The following COL10A1 variants were observed in gnomAD, a reference collection of about 807,000 sequenced individuals.
COL10A1 encodes the protein collagen type X alpha 1 chain.
A neutral mutation model predicts 18.2 loss-of-function variants in COL10A1; 10 were observed. The observed-to-expected ratio is 0.55, with a 90% CI of 0.34 to 0.93. COL10A1 has a LOEUF of 0.93. COL10A1 is among the 40% of genes least tolerant of loss of function. The pLI is 0.02. For missense variants in COL10A1, 897 were observed against 853.5 expected (o/e 1.05, Z -0.64); for synonymous variants, 330 against 316.6 (o/e 1.04, Z -0.45).
the COL10A1 span, among the ~76,000 whole-genome samples, chr6:116,213,199 G>C: frequency 1.3e-5 from 2 of 152,044 alleles, no homozygotes; most frequent in African/African-American, 4.8e-5. Flanking sequence ...CTCTCCTGTG[G>C]TTGCAGTCAG....
chr6:116,203,983 C>T, the COL10A1 span, among the ~76,000 whole-genome samples: 2 of 151,858 alleles, frequency 1.3e-5, no homozygotes, highest in Admixed American at 1.3e-4. Context: ...ACACGGTGAT[C>T]ATCAAATATA....
At chr6:116,204,359 A>G in the COL10A1 span, among the ~76,000 whole-genome samples, 1 of 152,010 alleles carries the variant, frequency 6.6e-6, no homozygotes, top group Non-Finnish European at 1.5e-5. Flanking sequence ...TGACTGAGAA[A>G]GATTCAAAAA....
upstream of COL10A1, among the ~76,000 whole-genome samples, chr6:116,163,325 T>C (rs2114433178): frequency 6.6e-6 from 1 of 151,616 alleles, no homozygotes; most frequent in African/African-American, 2.4e-5. Context: ...TGTTCAGGAT[T>C]TTAATTTCCC....
upstream of COL10A1, among the ~76,000 whole-genome samples, chr6:116,161,522 G>A (rs1780330015): frequency 1.3e-5 from 2 of 151,842 alleles, no homozygotes; most frequent in African/African-American, 4.8e-5. Flanking sequence ...TATTTTTGTT[G>A]ACTTTGTTGA....
chr6:116,200,298 A>G, the COL10A1 span, among the ~76,000 whole-genome samples: 1 of 152,068 alleles, frequency 6.6e-6, no homozygotes, highest in Non-Finnish European at 1.5e-5. Context: ...TAACCTAAGG[A>G]GACATAACCA....
the COL10A1 span, among the ~76,000 whole-genome samples, chr6:116,167,171 T>C: frequency 1.3e-5 from 2 of 151,956 alleles, no homozygotes; most frequent in Non-Finnish European, 2.9e-5. Flanking sequence ...TACTTTGTAC[T>C]TAAAAGGTGT....
At chr6:116,142,286 T>C (rs1300927314) in intron 1 of COL10A1, among the ~76,000 whole-genome samples, 1 of 151,672 alleles carries the variant, frequency 6.6e-6, no homozygotes, top group Non-Finnish European at 1.5e-5. Context: ...TATTTTTGCT[T>C]TTTTTTTCAA....
At chr6:116,206,214 G>A in the COL10A1 span, among the ~76,000 whole-genome samples, 59 of 152,094 alleles carry the variant, frequency 3.9e-4, no homozygotes, top group African/African-American at 1.3e-3. Flanking sequence ...ATAGCATTTC[G>A]TGGTTAATCA....
chr6:116,135,818 A>T (rs2114345354), intron 1 of COL10A1, among the ~76,000 whole-genome samples: 1 of 136,162 alleles, frequency 7.3e-6, no homozygotes, highest in East Asian at 2.1e-4. Flanking sequence ...TATTTATGGT[A>T]TACAATATAT....
the COL10A1 span, among the ~76,000 whole-genome samples, chr6:116,172,189 A>G: frequency 2.0e-5 from 3 of 152,188 alleles, no homozygotes; most frequent in Non-Finnish European, 4.4e-5. Context: ...CCTCATAGAA[A>G]GATTGAAAAT....
upstream of COL10A1, among the ~76,000 whole-genome samples, chr6:116,163,709 G>C (rs1780399226): frequency 6.6e-6 from 1 of 151,986 alleles, no homozygotes; most frequent in African/African-American, 2.4e-5. Context: ...ACATCATTTG[G>C]TTGCGAATTT....
Position 116,120,771 on chromosome 6 carries a change from C to T in COL10A1, c.1345G>A (p.Gly449Ser). The change falls in exon 3 of 3, where the codon GGT becomes AGT. Residue 449 changes from glycine (G) to serine (S), a missense_variant. Physicochemically the swap from Gly to Ser is moderately conservative, Grantham distance 56 (BLOSUM62 0). Transcript: ENST00000651968. ...AGPRGAPGIP[G>S]TRGPIGPPGI... ...GGTGGCCCAATAGGGCCTCTAGTAC[C>T]TGGTATTCCAGGGGCACCTCTTGGG... 6.2e-7 allele frequency: 1 copy of T among 1,613,090 alleles called. No individual in the cohort carries two copies. Among genetic ancestry groups the T allele is most frequent in the East Asian group, 2.2e-5 (1 of 44,882 alleles).
At chr6:116,126,807 T>C (rs892979243), upstream of COL10A1, among the ~76,000 whole-genome samples, 2 of 152,198 alleles carry the variant, frequency 1.3e-5, no homozygotes, top group Non-Finnish European at 1.5e-5. Context: ...AAGATTGCTG[T>C]GTTTATTTCA....
At chr6:116,178,088 T>TGTGTGC in the COL10A1 span, among the ~76,000 whole-genome samples, 43 of 99,660 alleles carry the variant, frequency 4.3e-4, no homozygotes, top group African/African-American at 2.0e-3. Context: ...TGTGTGTGTG[T>TGTGTGC]GCGCGCGCGC....
chr6:116,142,781 C>G (rs1270947935), intron 1 of COL10A1, among the ~76,000 whole-genome samples: 1 of 152,182 alleles, frequency 6.6e-6, no homozygotes, highest in African/African-American at 2.4e-5. Context: ...TGTGAACTGT[C>G]TGGCTCAGAC....
the COL10A1 span, among the ~76,000 whole-genome samples, chr6:116,199,997 A>AGGGG: frequency 1.3e-4 from 15 of 119,596 alleles, no homozygotes; most frequent in African/African-American, 4.3e-4. Context: ...CAGTATGGAA[A>AGGGG]GTGGGGGGGG....
chr6:116,139,708 T>C (rs1779715519), intron 1 of COL10A1, among the ~76,000 whole-genome samples: 1 of 152,176 alleles, frequency 6.6e-6, no homozygotes, highest in African/African-American at 2.4e-5. Context: ...TATGGTTCTT[T>C]AGATCTTTCT....
chr6:116,197,976 G>C, the COL10A1 span, among the ~76,000 whole-genome samples: 1 of 152,090 alleles, frequency 6.6e-6, no homozygotes, highest in Non-Finnish European at 1.5e-5. Context: ...ATAGAGGGCA[G>C]TGGCAATTTA....
the COL10A1 span, among the ~76,000 whole-genome samples, chr6:116,188,838 AT>A: frequency 6.6e-6 from 1 of 151,538 alleles, no homozygotes; most frequent in Non-Finnish European, 1.5e-5. Flanking sequence ...ATAACTTCTG[AT>A]TTAAGGAGAG....
Sources: gnomAD v4.1 joint callset for allele counts (sites outside exome capture counted in the v4.1 genomes callset) on GRCh38, gnomAD v4.1.1 for gene constraint, MANE v1.5 for transcripts, NCBI Gene and HGNC (gene_info 2026-07-23, HGNC 2026-07-21) for gene names.